Variants in GNAI1 observed in about 807,000 individuals in gnomAD.
The protein encoded by GNAI1 is guanine nucleotide-binding protein G(i) subunit alpha-1.
GNAI1 carries 11 observed loss-of-function variants against 38.9 expected under a neutral mutation model. The ratio of observed to expected loss-of-function variants is 0.28; its 90% confidence interval spans 0.18 to 0.47. The LOEUF (loss-of-function observed/expected upper bound fraction) is 0.47. Among genes scored for constraint, GNAI1 ranks in the 20% least tolerant of loss-of-function variants. GNAI1 has a pLI of 0.99. For synonymous variants in GNAI1, 166 were observed against 145.1 expected (o/e 1.14, Z -1.04); for missense variants, 317 against 436.9 (o/e 0.73, Z 2.45).
chr7:80,221,686 A>C lies in GNAI1; in HGVS notation c.*4193A>C, dbSNP rs1198559957. ...TGGTATGGAGTCTTGCTCCTTCACC[A>C]GGCTGGAGTGCAGTCGTGCAATCTC... On this transcript the variant is annotated 3_prime_UTR_variant, in exon 8 of 8. Transcript: ENST00000649796. Among the ~76,000 whole-genome samples the C allele has an allele frequency of 8.5e-6, 1 of 117,550 alleles. No individual in the cohort carries two copies. Among genetic ancestry groups the C allele is most frequent in the Non-Finnish European group, 1.6e-5 (1 of 62,268 alleles). The allele number at this position is 117,550 out of a possible 152,430, so 77.1% of individuals were successfully genotyped here.
intron 5 of GNAI1, among the ~76,000 whole-genome samples, chr7:80,210,728 GC>G (rs1164843558): frequency 4.4e-5 from 5 of 113,794 alleles, no homozygotes; most frequent in Non-Finnish European, 7.2e-5. Flanking sequence ...TTTTGTTTTT[GC>G]TTTTTTTTTT....
At position 80,189,913 on chromosome 7, in the gene GNAI1, C is replaced by T. The variant is rs553883774; in HGVS notation, c.303+682C>T. On this transcript the variant is annotated intron_variant, in intron 3 of 7. Coordinates refer to ENST00000649796, the MANE Select transcript of GNAI1 (RefSeq NM_002069.6). ...TGTTTCAGTTGGATTGGAAGCAGCC[C>T]AATCCAATCCGTAAGGCACCTTTGT... Among the ~76,000 whole-genome samples the T allele has an allele frequency of 4.6e-5, 7 of 152,194 alleles. 2 individuals carry two copies. The highest frequency in any genetic ancestry group is 1.7e-4 in the African/African-American group (7 of 41,556).
intron 4 of GNAI1, among the ~76,000 whole-genome samples, chr7:80,203,305 A>G (rs1387625443): frequency 6.6e-6 from 1 of 152,314 alleles, no homozygotes; most frequent in South Asian, 2.1e-4. Flanking sequence ...AAAAATCTTC[A>G]GTAAAAAAAG....
chr7:80,164,039 C>CT (rs35826632), intron 1 of GNAI1, among the ~76,000 whole-genome samples: 12,198 of 62,962 alleles, frequency 0.19, 2,390 homozygotes, highest in Non-Finnish European at 0.22. Context: ...CTGGTGCTTT[C>CT]TTTTTTTTTT....
intron 1 of GNAI1, among the ~76,000 whole-genome samples, chr7:80,178,187 G>A (rs1451145367): frequency 6.6e-6 from 1 of 152,164 alleles, no homozygotes; most frequent in African/African-American, 2.4e-5. Context: ...AAACTTTAAG[G>A]AAAGAGGAAT....
At chr7:80,135,394 T>G in intron 1 of GNAI1, 116 bp downstream of exon 1, 3 of 552,972 alleles carry the variant, frequency 5.4e-6, no homozygotes, top group Non-Finnish European at 8.6e-6. Flanking sequence ...AGGAGGCTTC[T>G]GAGCGGGAGC....
intron 3 of GNAI1, 47 bp downstream of exon 3, chr7:80,189,278 A>G (rs139433301): frequency 1.2e-5 from 18 of 1,520,142 alleles, no homozygotes; most frequent in Middle Eastern, 1.7e-4. Flanking sequence ...TAAAAAGAAT[A>G]ACTTGTATGC....
intron 1 of GNAI1, chr7:80,136,104 C>G (rs1173363535): frequency 1.1e-6 from 1 of 917,892 alleles, no homozygotes; most frequent in African/African-American, 1.8e-5. Flanking sequence ...GTTCTTAGCA[C>G]TGTTCTGTTC....
intron 1 of GNAI1, among the ~76,000 whole-genome samples, chr7:80,156,601 T>A (rs1264171023): frequency 6.6e-6 from 1 of 152,084 alleles, no homozygotes; most frequent in East Asian, 1.9e-4. Flanking sequence ...GCCAATTTTT[T>A]AATTTTTTAT....
At chr7:80,159,188 CTT>C (rs1403276152) in intron 1 of GNAI1, among the ~76,000 whole-genome samples, 2 of 152,156 alleles carry the variant, frequency 1.3e-5, no homozygotes, top group African/African-American at 4.8e-5. Context: ...CCCACAGAGA[CTT>C]TTGTGAAACA....
rs960748198 is a variant in GNAI1, at chr7:80,218,456, G to A, written c.*963G>A. On this transcript the variant is annotated 3_prime_UTR_variant, in exon 8 of 8. Coordinates refer to ENST00000649796, the MANE Select transcript of GNAI1 (RefSeq NM_002069.6). ...ATTTTTGTGGGTAAAAAAAAAACCTGTGGACATAATGAATTTTGAGACATT... is the reference window on the plus strand; with the variant it reads ...ATTTTTGTGGGTAAAAAAAAAACCTATGGACATAATGAATTTTGAGACATT... 2.6e-5 allele frequency: 4 copies of A among 151,918 alleles called. No homozygotes were observed. The highest frequency in any genetic ancestry group is 5.9e-5 in the Non-Finnish European group (4 of 67,960). The allele number at this position is 151,918 out of a possible 1,614,324, so 9.4% of individuals were successfully genotyped here. A position where few individuals can be genotyped will look rare whatever the true frequency, so the allele number is the denominator to read the frequency against.
chr7:80,181,021 A>T (rs1788283972), intron 1 of GNAI1, among the ~76,000 whole-genome samples: 1 of 152,120 alleles, frequency 6.6e-6, no homozygotes, highest in Admixed American at 6.6e-5. Flanking sequence ...TAGCTTTCAT[A>T]TAAAAGGGAA....
chr7:80,187,209 TTGTGTGTGTGTG>T (rs369416678), intron 1 of GNAI1: 2 of 92,644 alleles, frequency 2.2e-5, no homozygotes, highest in African/African-American at 6.6e-5. Context: ...GTGTGTGTCT[TTGTGTGTGTGTG>T]TGTGTGTGTG....
intron 1 of GNAI1, among the ~76,000 whole-genome samples, chr7:80,136,949 A>C (rs948297584): frequency 6.6e-6 from 1 of 152,138 alleles, no homozygotes; most frequent in Non-Finnish European, 1.5e-5. Flanking sequence ...TGATCTTAGC[A>C]CGGTTGGCAT....
chr7:80,152,558 C>CTTTTTTTTTTTTTTTTTTTTTTTTTTTTT (rs35141470), intron 1 of GNAI1, among the ~76,000 whole-genome samples: 2 of 103,006 alleles, frequency 1.9e-5, no homozygotes, highest in Admixed American at 1.1e-4. Context: ...GGTCTCAATT[C>CTTTTTTTTTTTTTTTTTTTTTTTTTTTTT]TTTTTTTTTT....
intron 7 of GNAI1, among the ~76,000 whole-genome samples, chr7:80,216,210 G>A (rs766775874): frequency 2.0e-5 from 3 of 150,424 alleles, no homozygotes; most frequent in South Asian, 2.2e-4. Context: ...GCATAAGTGC[G>A]TGTTTAAAGG....
chr7:80,196,959 C>T (rs1444652917), intron 3 of GNAI1, among the ~76,000 whole-genome samples: 1 of 151,828 alleles, frequency 6.6e-6, no homozygotes, highest in East Asian at 1.9e-4. Context: ...ACAAAAATCT[C>T]GAATACAGTA....
At position 80,188,465 on chromosome 7, in the gene GNAI1, A is replaced by G. The variant is rs919492932; in HGVS notation, c.119-486A>G. Among the ~76,000 whole-genome samples the G allele has an allele frequency of 5.3e-5, 8 of 152,348 alleles. 1 individual carries two copies. In the South Asian group the frequency reaches 1.7e-3, roughly 32 times the overall value. ...AGTTGATTGACTTTAAGTATATGAAATAATAGGTAGAGCAGACTTATTTCC... is the reference window on the plus strand; with the variant it reads ...AGTTGATTGACTTTAAGTATATGAAGTAATAGGTAGAGCAGACTTATTTCC... On this transcript the variant is annotated intron_variant, in intron 1 of 7. Coordinates refer to ENST00000649796, the MANE Select transcript of GNAI1 (RefSeq NM_002069.6).
intron 1 of GNAI1, among the ~76,000 whole-genome samples, chr7:80,142,501 A>G (rs947881206): frequency 6.6e-6 from 1 of 152,068 alleles, no homozygotes; most frequent in Admixed American, 6.6e-5. Flanking sequence ...ATCATCTTGT[A>G]CTTTTATTTT....
Sources: allele counts gnomAD v4.1 joint callset (sites outside exome capture counted in the v4.1 genomes callset), GRCh38; gene constraint gnomAD v4.1.1; transcripts MANE v1.5; gene names NCBI Gene and HGNC (gene_info 2026-07-23, HGNC 2026-07-21).